The following IQSEC3 variants were observed in gnomAD, a reference collection of about 807,000 sequenced individuals.
IQSEC3 encodes the protein IQ motif and SEC7 domain-containing protein 3.
IQSEC3 carries 50 observed loss-of-function variants against 105.4 expected under a neutral mutation model. That is an observed-to-expected ratio of 0.47 (90% CI 0.38 to 0.60). IQSEC3 has a LOEUF of 0.60. IQSEC3 is among the 20% of genes least tolerant of loss of function. The pLI, the probability that IQSEC3 is intolerant of heterozygous loss-of-function variation, is 0.00. For synonymous variants in IQSEC3, 708 were observed against 746.0 expected, an observed-to-expected ratio of 0.95 and a Z score of 0.83; for missense variants, 1,415 against 1,630.0, an observed-to-expected ratio of 0.87 and a Z score of 2.27.
chr12:88,005 C>T (rs1555072495), intron 1 of IQSEC3, among the ~76,000 whole-genome samples: 1 of 152,148 alleles, frequency 6.6e-6, no homozygotes, highest in Admixed American at 6.5e-5. Flanking sequence ...CGGGCCCTTG[C>T]AGGGAGGGGC....
intron 2 of IQSEC3, among the ~76,000 whole-genome samples, chr12:125,008 C>T (rs963588019): frequency 1.3e-5 from 2 of 152,090 alleles, no homozygotes; most frequent in African/African-American, 4.8e-5. Flanking sequence ...CTGGAGTCCA[C>T]CCCCCTGGAA....
chr12:83,096 G>T (rs1863800453), intron 1 of IQSEC3, among the ~76,000 whole-genome samples: 1 of 152,216 alleles, frequency 6.6e-6, no homozygotes, highest in African/African-American at 2.4e-5. Context: ...GGGTAATTAG[G>T]CTGGCTGAGG....
At position 125,790 on chromosome 12, in the gene IQSEC3, A is replaced by G; in HGVS notation, c.781A>G (p.Arg261Gly). ...ERPGAGAASP[R>G]AGPQHKASPG... ...GCCGGGGGCAGGGGCTGCCTCCCCA[A>G]GGGCTGGCCCCCAGCACAAGGCCTC... is the stretch of plus-strand genomic sequence containing the variant. Residue 261 changes from arginine to glycine, a missense_variant, in exon 3 of 14, where the codon AGG (arginine) becomes GGG (glycine). By Grantham distance (125) the Arg-to-Gly change is moderately radical. This residue lies in a region of IQSEC3 where 720 missense variants were observed against 633.0 expected (regional missense o/e 1.14). Coordinates refer to ENST00000538872, the MANE Select transcript of IQSEC3 (RefSeq NM_001170738.2). The G allele has an allele frequency of 1.3e-6, 2 of 1,518,872 alleles. No homozygotes were observed. Among genetic ancestry groups the G allele is most frequent in the Non-Finnish European group, 1.8e-6 (2 of 1,140,016 alleles). The allele number at this position is 1,518,872 out of a possible 1,614,324, so 94.1% of individuals were successfully genotyped here. A position where few individuals can be genotyped will look rare whatever the true frequency, so the allele number is the denominator to read the frequency against.
intron 1 of IQSEC3, among the ~76,000 whole-genome samples, chr12:93,284 A>T (rs1236097634): frequency 6.6e-6 from 1 of 152,310 alleles, no homozygotes; most frequent in East Asian, 1.9e-4. Flanking sequence ...CTGAGGTAAG[A>T]AAGCCTTACT....
At chr12:96,337 C>T (rs1297645091) in intron 1 of IQSEC3, among the ~76,000 whole-genome samples, 1 of 152,126 alleles carries the variant, frequency 6.6e-6, no homozygotes, top group African/African-American at 2.4e-5. Flanking sequence ...GATGAAGCCT[C>T]CAGGTACAGG....
At position 138,913 on chromosome 12, in the gene IQSEC3, A is replaced by G. The variant is rs868916541; in HGVS notation, c.1550A>G (p.Gln517Arg). The part of the protein sequence containing the change: ...VANCLGAQTV[Q>R]APAEPAAGKA... ...AACTGCCTGGGCGCTCAGACGGTCC[A>G]GGCCCCCGCAGAGCCCGCGGCGGGC... The change falls in exon 4 of 14, where the codon CAG becomes CGG. Residue 517 changes from glutamine (Q) to arginine (R), a missense_variant. Gln to Arg is a conservative substitution (Grantham distance 43). This residue lies in a region of IQSEC3 where 720 missense variants were observed against 633.0 expected (regional missense o/e 1.14). Coordinates refer to ENST00000538872, the MANE Select transcript of IQSEC3 (RefSeq NM_001170738.2). This position sits in a 1 kb window ranked among gnomAD's most constrained non-coding sequence, Gnocchi z 7.1. The G allele has an allele frequency of 6.2e-7, 1 of 1,604,152 alleles. No individual in the cohort carries two copies. The highest frequency in any genetic ancestry group is 8.5e-7 in the Non-Finnish European group (1 of 1,176,092).
In IQSEC3 at chr12:86,882, G is replaced by A. The variant is rs1863934193; in HGVS notation, c.555-12264G>A. Among the ~76,000 whole-genome samples the A allele has an allele frequency of 2.6e-5, 4 of 151,956 alleles. No homozygotes were observed. The South Asian group carries it at 8.3e-4, about 32-fold the overall frequency. ...TCTTTTGGAAGGGCAAGGATGCTAT[G>A]CAGGTCTTCCCAGATCCTTAGATCT... On this transcript the variant is annotated intron_variant, in intron 1 of 13. Transcript: ENST00000538872.
intron 1 of IQSEC3, among the ~76,000 whole-genome samples, chr12:74,866 G>A (rs1428735577): frequency 6.6e-6 from 1 of 152,286 alleles, no homozygotes; most frequent in Admixed American, 6.5e-5. Flanking sequence ...AAACTAGCTA[G>A]TGTCAGAACT....
At chr12:108,240 C>T (rs782590002) in intron 2 of IQSEC3, among the ~76,000 whole-genome samples, 3 of 152,238 alleles carry the variant, frequency 2.0e-5, no homozygotes, top group Non-Finnish European at 4.4e-5. Context: ...CCAATTCTTT[C>T]TACCTGCTAT....
chr12:151,812 C>T, intron 5 of IQSEC3, among the ~76,000 whole-genome samples: 1 of 152,158 alleles, frequency 6.6e-6, no homozygotes, highest in Non-Finnish European at 1.5e-5. Flanking sequence ...TGAGCCTTTG[C>T]ATATGCTTCC....
At chr12:116,902 A>C (rs1200236936) in intron 2 of IQSEC3, among the ~76,000 whole-genome samples, 2 of 152,198 alleles carry the variant, frequency 1.3e-5, no homozygotes, top group Non-Finnish European at 2.9e-5. Flanking sequence ...TCTTCTGAGG[A>C]GGGGAGAGGA....
At chr12:146,919 C>A (rs993864761) in intron 5 of IQSEC3, among the ~76,000 whole-genome samples, 2 of 152,198 alleles carry the variant, frequency 1.3e-5, no homozygotes, top group Non-Finnish European at 2.9e-5. Flanking sequence ...TCTCCTGCCC[C>A]ACTCCCACCA....
At chr12:144,338 C>G (rs940544581) in intron 5 of IQSEC3, 1 of 152,268 alleles carries the variant, frequency 6.6e-6, no homozygotes, top group Admixed American at 6.5e-5. Context: ...TTGCCCAGGC[C>G]TGGAAGGCTT....
At chr12:165,348 G>A in intron 9 of IQSEC3, 86 bp from the exon 10 acceptor site, 1 of 979,974 alleles carries the variant, frequency 1.0e-6, no homozygotes, top group Non-Finnish European at 1.6e-6. Flanking sequence ...GGGTTTGTGT[G>A]ATCGTGCATC....
intron 7 of IQSEC3, among the ~76,000 whole-genome samples, chr12:160,822 T>C (rs1360339438): frequency 2.0e-5 from 3 of 152,200 alleles, no homozygotes; most frequent in Non-Finnish European, 4.4e-5. Flanking sequence ...GCTAAATCCA[T>C]CCACTTATTT....
rs781965029 is a variant in IQSEC3, at chr12:157,045, A to G, written c.2174A>G (p.Asp725Gly). The change falls in exon 6 of 14, where the codon GAC becomes GGC. Residue 725 changes from aspartate to glycine, a missense_variant. By Grantham distance (94) the Asp-to-Gly change is moderately conservative. Transcript: ENST00000538872. ...CTCAGCTGCGTGGTGGACGAGATGG[A>G]CTTCTCCAGCATGGAGCTGGACGAG... The part of the protein sequence containing the change: ...DVLDCVVDEM[D>G]FSSMELDEAL... 6.2e-7 allele frequency: 1 copy of G among 1,605,154 alleles called. No homozygotes were observed. Among genetic ancestry groups the G allele is most frequent in the South Asian group, 1.1e-5 (1 of 89,272 alleles).
At chr12:120,175 G>A (rs1414025632) in intron 2 of IQSEC3, among the ~76,000 whole-genome samples, 3 of 152,210 alleles carry the variant, frequency 2.0e-5, no homozygotes, top group Non-Finnish European at 4.4e-5. Flanking sequence ...TGAAATACAG[G>A]CAAGTACCAA....
At chr12:130,984 C>T (rs893467692) in intron 3 of IQSEC3, among the ~76,000 whole-genome samples, 12 of 145,616 alleles carry the variant, frequency 8.2e-5, no homozygotes, top group Middle Eastern at 3.4e-3. Flanking sequence ...CACCTCCCCG[C>T]GATCCTCAGC....
At chr12:160,186 T>C (rs35153841) in intron 7 of IQSEC3, among the ~76,000 whole-genome samples, 42,975 of 148,418 alleles carry the variant, frequency 0.29, 8,408 homozygotes, top group African/African-American at 0.56. Context: ...GTTTTTTTTT[T>C]CCCCCATATT....
Sources: gnomAD v4.1 joint callset for allele counts (sites outside exome capture counted in the v4.1 genomes callset) on GRCh38, gnomAD v4.1.1 for gene constraint, gnomAD v4.1.1 regional missense constraint, Gnocchi (gnomAD v3.1) non-coding constraint, MANE v1.5 for transcripts, NCBI Gene and HGNC (gene_info 2026-07-23, HGNC 2026-07-21) for gene names.